Variants in ARHGAP28 observed in about 807,000 individuals in gnomAD.
The protein encoded by ARHGAP28 is rho GTPase-activating protein 28.
In ARHGAP28, 56 loss-of-function variants were observed where a neutral mutation model predicts 90.7. The ratio of observed to expected loss-of-function variants is 0.62; its 90% CI spans 0.50 to 0.77. ARHGAP28 has a LOEUF of 0.77. ARHGAP28 is among the 30% of genes least tolerant of loss of function. The probability of loss-of-function intolerance (pLI) is 0.00; values close to 1 mark genes in which losing one functional copy is unlikely to be tolerated. For missense variants in ARHGAP28, 869 were observed against 900.9 expected (o/e 0.96, Z 0.45); for synonymous variants, 308 against 323.3 (o/e 0.95, Z 0.51).
chr18:6,840,568 G>A (rs1485190469), intron 3 of ARHGAP28, among the ~76,000 whole-genome samples: 1 of 152,098 alleles, frequency 6.6e-6, no homozygotes, highest in Admixed American at 6.5e-5. Context: ...GGAATAAACT[G>A]GTGTCTAACT....
At chr18:6,809,676 G>A (rs993212582) in intron 1 of ARHGAP28, among the ~76,000 whole-genome samples, 8 of 152,150 alleles carry the variant, frequency 5.3e-5, no homozygotes, top group South Asian at 2.1e-4. Context: ...ATGAAACATC[G>A]CTAGGGAGAC....
chr18:6,893,231 A>G (rs2057279623), intron 14 of ARHGAP28, among the ~76,000 whole-genome samples: 1 of 152,224 alleles, frequency 6.6e-6, no homozygotes. Context: ...GGGAGCCACC[A>G]GACAGATGAG....
At chr18:6,891,183 T>C (rs575256374) in intron 14 of ARHGAP28, among the ~76,000 whole-genome samples, 11 of 152,238 alleles carry the variant, frequency 7.2e-5, no homozygotes, top group African/African-American at 2.6e-4. Context: ...GGGAGACAAA[T>C]GTATATGAGA....
intron 1 of ARHGAP28, among the ~76,000 whole-genome samples, chr18:6,732,455 CATCAAGAGGCTTCAGATGTAA>C (rs1213874028): frequency 6.6e-6 from 1 of 152,094 alleles, no homozygotes; most frequent in Non-Finnish European, 1.5e-5. Context: ...AATATTTCTA[CATCAAGAGGCTTCAGATGTAA>C]ATCTGGATTT....
At chr18:6,764,153 A>G (rs2056182710) in intron 1 of ARHGAP28, among the ~76,000 whole-genome samples, 1 of 152,174 alleles carries the variant, frequency 6.6e-6, no homozygotes, top group Admixed American at 6.5e-5. Flanking sequence ...CAGTAGCTCA[A>G]TTACTGAATT....
At chr18:6,731,442 C>T (rs916132502) in intron 1 of ARHGAP28, among the ~76,000 whole-genome samples, 9 of 152,180 alleles carry the variant, frequency 5.9e-5, no homozygotes, top group African/African-American at 2.2e-4. Context: ...TTTGAAACTA[C>T]ATCCTTTTCC....
intron 14 of ARHGAP28, among the ~76,000 whole-genome samples, chr18:6,893,416 C>T (rs1277787718): frequency 6.6e-6 from 1 of 152,162 alleles, no homozygotes; most frequent in African/African-American, 2.4e-5. Context: ...CTAGTTGAAG[C>T]CTTTGGATTT....
chr18:6,859,761 G>A, intron 4 of ARHGAP28, 47 bp from the exon 5 acceptor site: 1 of 1,544,978 alleles, frequency 6.5e-7, no homozygotes, highest in Non-Finnish European at 8.9e-7. Context: ...AAACACATTA[G>A]AAAGTATTTG....
In ARHGAP28 at chr18:6,852,817, C is replaced by T. The variant is rs948550623; in HGVS notation, c.636+1691C>T. On this transcript the variant is annotated intron_variant, in intron 4 of 17. Transcript: ENST00000383472. ...AAGAACACTGAAGCACCAAGTTTTG[C>T]AGCAAGAAAGGTTTATTTCAACTCA... is the stretch of plus-strand genomic sequence containing the variant. Among the ~76,000 whole-genome samples the T allele has an allele frequency of 8.5e-5, 13 of 152,284 alleles. No individual in the cohort carries two copies. The East Asian group carries it at 2.5e-3, about 29-fold the overall frequency.
chr18:6,754,244 C>T (rs755273258), intron 1 of ARHGAP28, among the ~76,000 whole-genome samples: 5 of 152,080 alleles, frequency 3.3e-5, no homozygotes, highest in African/African-American at 9.7e-5. Context: ...TTCTTCCAAA[C>T]GGTACCACAA....
At chr18:6,787,584 A>G (rs2056375746) in intron 1 of ARHGAP28, among the ~76,000 whole-genome samples, 1 of 152,216 alleles carries the variant, frequency 6.6e-6, no homozygotes, top group African/African-American at 2.4e-5. Context: ...CTAAGACAAT[A>G]TAGCATAATG....
At position 6,913,471 on chromosome 18, in the gene ARHGAP28, A is replaced by G. The variant is rs1238803569; in HGVS notation, c.*1317A>G. 3.3e-5 allele frequency: 5 copies of G among 152,178 alleles called. No individual in the cohort carries two copies. The highest frequency in any genetic ancestry group is 7.2e-5 in the African/African-American group (3 of 41,438). 9.4% of individuals were successfully genotyped at this position (152,178 alleles called of 1,614,324 possible). On this transcript the variant is annotated 3_prime_UTR_variant, in exon 18 of 18. Transcript: ENST00000383472. ...TATAGATTGAGATTTTGATGAATTTATATTGGTTTTAATGAGACCCAAATG... is the reference window on the plus strand; with the variant it reads ...TATAGATTGAGATTTTGATGAATTTGTATTGGTTTTAATGAGACCCAAATG...
chr18:6,845,948 C>T (rs2056862831), intron 3 of ARHGAP28, among the ~76,000 whole-genome samples: 1 of 152,196 alleles, frequency 6.6e-6, no homozygotes, highest in African/African-American at 2.4e-5. Context: ...TCAAAGAATG[C>T]TAATCTGAGT....
intron 1 of ARHGAP28, among the ~76,000 whole-genome samples, chr18:6,823,790 A>C (rs1215561759): frequency 6.6e-6 from 1 of 152,100 alleles, no homozygotes; most frequent in African/African-American, 2.4e-5. Flanking sequence ...TCTGTTGCCC[A>C]GGCTGGAGTG....
intron 3 of ARHGAP28, among the ~76,000 whole-genome samples, chr18:6,839,252 C>A (rs2056778414): frequency 6.6e-6 from 1 of 151,144 alleles, no homozygotes. Context: ...AAGCAGTACT[C>A]AAATGCTTTG....
intron 1 of ARHGAP28, among the ~76,000 whole-genome samples, chr18:6,736,053 A>T (rs2055924413): frequency 6.6e-6 from 1 of 152,146 alleles, no homozygotes; most frequent in South Asian, 2.1e-4. Context: ...CTTTGGAGAG[A>T]TACTTTGAGA....
intron 5 of ARHGAP28, among the ~76,000 whole-genome samples, chr18:6,867,579 G>A (rs974651887): frequency 5.3e-5 from 8 of 152,038 alleles, no homozygotes; most frequent in African/African-American, 1.9e-4. Context: ...CAGTGCTCTG[G>A]CAGGATTTCA....
At chr18:6,909,371 C>T (rs1328516384) in intron 17 of ARHGAP28, among the ~76,000 whole-genome samples, 2 of 150,990 alleles carry the variant, frequency 1.3e-5, no homozygotes, top group Non-Finnish European at 2.9e-5. Context: ...TGGCTCACTG[C>T]AACCTCCGCC....
At chr18:6,896,159 G>A (rs1379292275) in intron 15 of ARHGAP28, among the ~76,000 whole-genome samples, 1 of 152,172 alleles carries the variant, frequency 6.6e-6, no homozygotes, top group Non-Finnish European at 1.5e-5. Context: ...ATATATTGAA[G>A]TACAGAATTA....
Sources: gnomAD v4.1 joint callset for allele counts (sites outside exome capture counted in the v4.1 genomes callset) on GRCh38, gnomAD v4.1.1 for gene constraint, MANE v1.5 for transcripts, NCBI Gene and HGNC (gene_info 2026-07-23, HGNC 2026-07-21) for gene names.